Variants in PTPRD observed in about 807,000 individuals in gnomAD.
PTPRD encodes the protein protein tyrosine phosphatase receptor type D.
Under a neutral mutation model 214.5 loss-of-function variants are expected in PTPRD, and 34 were observed. The observed-to-expected ratio is 0.16, with a 90% confidence interval of 0.12 to 0.21. The LOEUF is 0.21. PTPRD is among the 10% of genes least tolerant of loss of function. PTPRD has a pLI of 1.00. For synonymous variants in PTPRD, 1,128 were observed against 845.7 expected, an observed-to-expected ratio of 1.33 and a Z score of -5.79; for missense variants, 2,545 against 2,398.7, an observed-to-expected ratio of 1.06 and a Z score of -1.27.
intron 14 of PTPRD, among the ~76,000 whole-genome samples, chr9:8,569,436 C>T (rs1388778986): frequency 6.6e-6 from 1 of 152,090 alleles, no homozygotes; most frequent in Non-Finnish European, 1.5e-5. Context: ...AAGAACTTTA[C>T]TAACCTCTAC....
At chr9:8,803,715 CAG>C (rs1005702569) in intron 11 of PTPRD, among the ~76,000 whole-genome samples, 73 of 149,372 alleles carry the variant, frequency 4.9e-4, no homozygotes, top group Admixed American at 1.3e-3. Flanking sequence ...GCCTGGGTGA[CAG>C]AGTGATACCC....
intron 3 of PTPRD, among the ~76,000 whole-genome samples, chr9:10,184,562 G>A (rs914876926): frequency 6.6e-6 from 1 of 152,134 alleles, no homozygotes; most frequent in Non-Finnish European, 1.5e-5. Flanking sequence ...TATGTGTTTG[G>A]TAAACGTTTG....
chr9:10,099,619 C>T (rs983530076), intron 3 of PTPRD, among the ~76,000 whole-genome samples: 5 of 151,778 alleles, frequency 3.3e-5, no homozygotes, highest in African/African-American at 9.7e-5. Flanking sequence ...TTATTATGCT[C>T]ACTTGAAAAG....
rs570743411 is a variant in PTPRD, at chr9:9,157,876, G to A, written c.-143+25428C>T. 5.3e-5 allele frequency among the ~76,000 whole-genome samples: 8 copies of A among 152,082 alleles called. No individual in the cohort carries two copies. In the East Asian group the frequency reaches 1.2e-3, roughly 22 times the overall value. On this transcript the variant is annotated intron_variant, in intron 10 of 45. Transcript: ENST00000381196. ...TTCTTCCTGATGCTCTCCCTTGCCT[G>A]ACCCCCCAACAGTTGCCCACAGTGT...
At chr9:10,508,007 C>G (rs1042921142) in intron 2 of PTPRD, among the ~76,000 whole-genome samples, 2 of 152,142 alleles carry the variant, frequency 1.3e-5, no homozygotes, top group Non-Finnish European at 2.9e-5. Flanking sequence ...TCAGAGTGAA[C>G]AGGCAACCTA....
At chr9:9,234,769 GACC>G (rs952738588) in intron 9 of PTPRD, among the ~76,000 whole-genome samples, 2 of 152,068 alleles carry the variant, frequency 1.3e-5, no homozygotes, top group Admixed American at 6.6e-5. Context: ...CTCCATCTGA[GACC>G]ACCTCAGCCT....
intron 8 of PTPRD, among the ~76,000 whole-genome samples, chr9:9,498,740 T>C (rs1280095633): frequency 6.6e-6 from 1 of 151,934 alleles, no homozygotes; most frequent in East Asian, 1.9e-4. Context: ...GCTGTACAAA[T>C]AGAACAATGA....
chr9:9,853,374 A>G (rs189934970), intron 5 of PTPRD, among the ~76,000 whole-genome samples: 21 of 152,304 alleles, frequency 1.4e-4, no homozygotes, highest in Admixed American at 7.2e-4. Flanking sequence ...CCATTTACAA[A>G]TGTAGAACAA....
At chr9:10,229,205 G>A (rs2099599625) in intron 3 of PTPRD, among the ~76,000 whole-genome samples, 1 of 152,044 alleles carries the variant, frequency 6.6e-6, no homozygotes, top group Admixed American at 6.6e-5. Context: ...GGAAACAACA[G>A]GTGCTGGAGA....
At chr9:9,566,508 T>C (rs2084581586) in intron 8 of PTPRD, among the ~76,000 whole-genome samples, 2 of 152,118 alleles carry the variant, frequency 1.3e-5, no homozygotes, top group South Asian at 4.1e-4. Context: ...AAAAACAATG[T>C]AATTCTTGCT....
At chr9:10,161,017 A>T (rs111376910) in intron 3 of PTPRD, among the ~76,000 whole-genome samples, 141 of 152,072 alleles carry the variant, frequency 9.3e-4, no homozygotes, top group Middle Eastern at 3.4e-3. Flanking sequence ...AACCAAAGAT[A>T]TAAAAATCCT....
intron 3 of PTPRD, among the ~76,000 whole-genome samples, chr9:10,299,603 A>C (rs2095798983): frequency 6.6e-6 from 1 of 152,144 alleles, no homozygotes; most frequent in Non-Finnish European, 1.5e-5. Context: ...TGCTAAGCAG[A>C]CCTTACATTG....
At chr9:10,216,525 G>T (rs1049500693) in intron 3 of PTPRD, among the ~76,000 whole-genome samples, 2 of 151,786 alleles carry the variant, frequency 1.3e-5, no homozygotes, top group African/African-American at 4.8e-5. Flanking sequence ...TTAGACATCT[G>T]CTGTCTATTA....
At chr9:9,875,131 A>T (rs1441118005) in intron 5 of PTPRD, among the ~76,000 whole-genome samples, 1 of 152,118 alleles carries the variant, frequency 6.6e-6, no homozygotes, top group Non-Finnish European at 1.5e-5. Flanking sequence ...GAGATCCTGC[A>T]TTCTCTAGTC....
chr9:8,463,351 G>C (rs1257679200), intron 32 of PTPRD, among the ~76,000 whole-genome samples: 1 of 148,780 alleles, frequency 6.7e-6, no homozygotes, highest in East Asian at 2.0e-4. Context: ...TATGGTATGA[G>C]GATTGACACA....
intron 11 of PTPRD, among the ~76,000 whole-genome samples, chr9:8,795,575 T>C (rs111568362): frequency 0.025 from 3,834 of 152,330 alleles, 179 homozygotes; most frequent in African/African-American, 0.087. Context: ...ACTGGACTGA[T>C]AGATGAAAAC....
intron 12 of PTPRD, among the ~76,000 whole-genome samples, chr9:8,675,538 CAAAAA>C (rs61509653): frequency 2.0e-5 from 1 of 49,112 alleles, no homozygotes; most frequent in Admixed American, 3.1e-4. Flanking sequence ...CACACACACA[CAAAAA>C]AAAAAAAAAA....
At chr9:8,785,458 A>T (rs967110297) in intron 11 of PTPRD, among the ~76,000 whole-genome samples, 1 of 152,202 alleles carries the variant, frequency 6.6e-6, no homozygotes, top group Non-Finnish European at 1.5e-5. Context: ...CAAAATCCTG[A>T]ATATCCTTTT....
At chr9:8,739,914 G>A (rs1350025160) in intron 11 of PTPRD, among the ~76,000 whole-genome samples, 1 of 152,140 alleles carries the variant, frequency 6.6e-6, no homozygotes, top group East Asian at 1.9e-4. Flanking sequence ...CTGCTGCCAT[G>A]TGAGATGTGA....
Sources: allele counts gnomAD v4.1 joint callset (sites outside exome capture counted in the v4.1 genomes callset), GRCh38; gene constraint gnomAD v4.1.1; transcripts MANE v1.5; gene names NCBI Gene and HGNC (gene_info 2026-07-23, HGNC 2026-07-21).